Variants in ARB2A observed in about 807,000 individuals in gnomAD.
ARB2A encodes the protein cotranscriptional regulator ARB2A.
the ARB2A span, among the ~76,000 whole-genome samples, chr5:93,656,401 AAAAAC>A: frequency 6.6e-6 from 1 of 152,204 alleles, no homozygotes; most frequent in Non-Finnish European, 1.5e-5. Flanking sequence ...AACGATCATA[AAAAAC>A]ATGATTGTTA....
chr5:93,902,864 A>G, the ARB2A span, among the ~76,000 whole-genome samples: 4 of 152,218 alleles, frequency 2.6e-5, no homozygotes, highest in South Asian at 6.2e-4. Context: ...CACCTGCCCA[A>G]TCTTGCAGAT....
the ARB2A span, among the ~76,000 whole-genome samples, chr5:93,762,354 A>G: frequency 6.6e-6 from 1 of 152,242 alleles, no homozygotes; most frequent in African/African-American, 2.4e-5. Flanking sequence ...AGAAGTCCTT[A>G]AAGGACCTGA....
chr5:93,800,293 A>G, the ARB2A span, among the ~76,000 whole-genome samples: 2 of 152,052 alleles, frequency 1.3e-5, no homozygotes, highest in South Asian at 4.1e-4. Flanking sequence ...AAACTTTAAA[A>G]TCTGCAAGAA....
chr5:93,752,491 A>C, the ARB2A span, among the ~76,000 whole-genome samples: 1 of 152,226 alleles, frequency 6.6e-6, no homozygotes, highest in East Asian at 1.9e-4. Flanking sequence ...TGCCACCTTT[A>C]CTGCCAAATT....
At chr5:93,876,336 C>T in the ARB2A span, among the ~76,000 whole-genome samples, 2 of 152,114 alleles carry the variant, frequency 1.3e-5, no homozygotes, top group Admixed American at 1.3e-4. Context: ...GGTTTTCCTG[C>T]CAGGCAAGTC....
At chr5:94,033,202 GT>G in the ARB2A span, among the ~76,000 whole-genome samples, 1 of 152,146 alleles carries the variant, frequency 6.6e-6, no homozygotes, top group Non-Finnish European at 1.5e-5. Flanking sequence ...AATCTTGGGT[GT>G]TTCTTTATAA....
the ARB2A span, among the ~76,000 whole-genome samples, chr5:93,701,542 T>A: frequency 6.6e-6 from 1 of 152,134 alleles, no homozygotes; most frequent in Non-Finnish European, 1.5e-5. Context: ...ATTTTTATAG[T>A]TCTATCTCCT....
the ARB2A span, among the ~76,000 whole-genome samples, chr5:94,000,473 G>C: frequency 6.6e-6 from 1 of 152,156 alleles, no homozygotes; most frequent in East Asian, 1.9e-4. Context: ...TTAGTGAGGT[G>C]TCTGTTGACA....
chr5:93,861,830 C>T, the ARB2A span: 3 of 152,158 alleles, frequency 2.0e-5, no homozygotes, highest in Non-Finnish European at 2.9e-5. Flanking sequence ...AATCCAGCCA[C>T]ATTTAAGTCT....
chr5:94,087,572 T>C, the ARB2A span, among the ~76,000 whole-genome samples: 1 of 152,182 alleles, frequency 6.6e-6, no homozygotes, highest in Non-Finnish European at 1.5e-5. Context: ...TGTATATATT[T>C]TGTGTAGCCT....
the ARB2A span, chr5:93,958,860 C>A: frequency 9.3e-6 from 15 of 1,609,696 alleles, no homozygotes; most frequent in South Asian, 2.2e-5. Flanking sequence ...CACTGCCCTG[C>A]CCTGACAACA....
At chr5:93,840,663 C>T in the ARB2A span, among the ~76,000 whole-genome samples, 1 of 152,116 alleles carries the variant, frequency 6.6e-6, no homozygotes, top group Non-Finnish European at 1.5e-5. Flanking sequence ...CATCTCTTGT[C>T]TTGGACACTA....
At chr5:94,109,916 G>A in the ARB2A span, among the ~76,000 whole-genome samples, 7 of 120,692 alleles carry the variant, frequency 5.8e-5, no homozygotes, top group African/African-American at 1.9e-4. Context: ...ACGGAGTCTC[G>A]ATCTGTCACC....
At chr5:93,779,958 T>C in the ARB2A span, among the ~76,000 whole-genome samples, 1 of 152,176 alleles carries the variant, frequency 6.6e-6, no homozygotes, top group Non-Finnish European at 1.5e-5. Context: ...CAGAGTAGGT[T>C]TGAAATAACT....
chr5:93,832,148 G>A, the ARB2A span, among the ~76,000 whole-genome samples: 3 of 152,238 alleles, frequency 2.0e-5, no homozygotes, highest in East Asian at 5.8e-4. Flanking sequence ...CCTTGCAGCA[G>A]TCCTTGTGGC....
the ARB2A span, among the ~76,000 whole-genome samples, chr5:94,053,997 G>A: frequency 2.0e-5 from 3 of 152,044 alleles, no homozygotes; most frequent in Non-Finnish European, 1.5e-5. Flanking sequence ...TCAAACTCCC[G>A]AACTCAAGTG....
chr5:94,075,238 T>C, the ARB2A span, among the ~76,000 whole-genome samples: 1 of 152,016 alleles, frequency 6.6e-6, no homozygotes, highest in East Asian at 1.9e-4. Context: ...TGCAAATACG[T>C]AAATATATAA....
the ARB2A span, among the ~76,000 whole-genome samples, chr5:93,806,269 T>G: frequency 6.6e-6 from 1 of 151,942 alleles, no homozygotes; most frequent in Non-Finnish European, 1.5e-5. Context: ...TTTATATGCC[T>G]TTTTCATTGG....
At chr5:93,653,511 C>CAAA in the ARB2A span, among the ~76,000 whole-genome samples, 70 of 31,430 alleles carry the variant, frequency 2.2e-3, 8 homozygotes, top group Admixed American at 5.1e-3. Flanking sequence ...GACTCCGTCT[C>CAAA]AAAAAAAAAA....
Sources: gnomAD v4.1 joint callset for allele counts (sites outside exome capture counted in the v4.1 genomes callset) on GRCh38, gnomAD v4.1.1 for gene constraint, MANE v1.5 for transcripts, NCBI Gene and HGNC (gene_info 2026-07-23, HGNC 2026-07-21) for gene names.